The following COX10 variants were observed in gnomAD, a reference collection of about 807,000 sequenced individuals.
COX10 encodes the protein protoheme IX farnesyltransferase, mitochondrial.
In COX10, 27 loss-of-function variants were observed where a neutral mutation model predicts 37.3. The ratio of observed to expected loss-of-function variants is 0.72; its 90% confidence interval spans 0.53 to 1.00. The LOEUF (loss-of-function observed/expected upper bound fraction) is 1.00, where lower values mean the gene tolerates loss of function less well. COX10 is among the 50% of genes least tolerant of loss of function. COX10 has a pLI of 0.00. For missense variants in COX10, 475 were observed against 563.2 expected, an observed-to-expected ratio of 0.84 and a Z score of 1.59; for synonymous variants, 222 against 229.1, an observed-to-expected ratio of 0.97 and a Z score of 0.28.
intron 4 of COX10, among the ~76,000 whole-genome samples, chr17:14,133,539 T>C (rs1916511519): frequency 6.6e-6 from 1 of 151,704 alleles, no homozygotes; most frequent in Non-Finnish European, 1.5e-5. Flanking sequence ...ACATGATTTG[T>C]AATTATACTC....
chr17:14,189,079 CTT>C (rs150588459), intron 5 of COX10, among the ~76,000 whole-genome samples: 1,596 of 114,080 alleles, frequency 0.014, 12 homozygotes, highest in Middle Eastern at 0.055. Context: ...TCATTTTCTT[CTT>C]TTTTTTTTTT....
chr17:14,198,488 A>G (rs1021177591), intron 6 of COX10, among the ~76,000 whole-genome samples: 5 of 152,176 alleles, frequency 3.3e-5, no homozygotes, highest in African/African-American at 1.2e-4. Context: ...CGTAATGACC[A>G]TCTTGTAGAG....
At chr17:14,154,648 A>G (rs1904993001) in intron 4 of COX10, among the ~76,000 whole-genome samples, 1 of 152,236 alleles carries the variant, frequency 6.6e-6, no homozygotes, top group Non-Finnish European at 1.5e-5. Context: ...AAGGAACATC[A>G]GTCTAATCAA....
intron 4 of COX10, among the ~76,000 whole-genome samples, chr17:14,154,736 C>T (rs892352965): frequency 5.3e-5 from 8 of 152,186 alleles, no homozygotes; most frequent in African/African-American, 1.9e-4. Context: ...CTTTTCAGAT[C>T]CTCATAGTAA....
intron 5 of COX10, among the ~76,000 whole-genome samples, chr17:14,175,371 T>C (rs1223786024): frequency 6.6e-6 from 1 of 152,026 alleles, no homozygotes; most frequent in Non-Finnish European, 1.5e-5. Flanking sequence ...AATCAAAGCC[T>C]AGCTCCTCTG....
At chr17:14,093,648 T>G (rs1567589497) in intron 3 of COX10, among the ~76,000 whole-genome samples, 3 of 152,186 alleles carry the variant, frequency 2.0e-5, no homozygotes, top group Non-Finnish European at 4.4e-5. Flanking sequence ...AGTAACAGCA[T>G]GCATGGCAGG....
intron 1 of COX10, among the ~76,000 whole-genome samples, chr17:14,071,886 T>G (rs951065658): frequency 1.3e-5 from 2 of 151,762 alleles, no homozygotes; most frequent in African/African-American, 4.8e-5. Context: ...GGTGACAGAG[T>G]GAGACTCCAT....
intron 4 of COX10, among the ~76,000 whole-genome samples, chr17:14,123,420 A>G (rs1406482397): frequency 6.6e-6 from 1 of 152,196 alleles, no homozygotes; most frequent in Non-Finnish European, 1.5e-5. Flanking sequence ...TTTGAATAGA[A>G]TGGACTCACA....
intron 3 of COX10, among the ~76,000 whole-genome samples, chr17:14,090,615 C>T (rs1052650522): frequency 1.3e-5 from 2 of 152,110 alleles, no homozygotes; most frequent in Non-Finnish European, 2.9e-5. Context: ...AGCATTCTCT[C>T]AGCCTGTGGA....
intron 5 of COX10, among the ~76,000 whole-genome samples, chr17:14,182,555 C>G (rs1040396501): frequency 6.6e-6 from 1 of 152,088 alleles, no homozygotes; most frequent in Non-Finnish European, 1.5e-5. Flanking sequence ...AAATAAGATT[C>G]TGGGGAGACA....
Position 14,099,558 on chromosome 17 carries a change from C to G in COX10, c.500-2560C>G, listed in dbSNP as rs116752379. 7.8e-3 allele frequency among the ~76,000 whole-genome samples: 1,183 copies of G among 152,146 alleles called. 14 individuals carry two copies. Among genetic ancestry groups the G allele is most frequent in the African/African-American group, 0.027 (1,136 of 41,514 alleles). On this transcript the variant is annotated intron_variant, in intron 3 of 6. Transcript: ENST00000261643. ...TTCCTGTTCTGCTTGCTGTAGCCCC[C>G]CTCATGGTTACTGGACACCCATGCC... is the stretch of plus-strand genomic sequence containing the variant.
At chr17:14,078,875 C>G (rs1915216917) in intron 3 of COX10, among the ~76,000 whole-genome samples, 1 of 152,082 alleles carries the variant, frequency 6.6e-6, no homozygotes, top group African/African-American at 2.4e-5. Flanking sequence ...TTCCCTGTCC[C>G]TCCACCCTAC....
At chr17:14,155,057 A>T (rs1297196594) in intron 4 of COX10, among the ~76,000 whole-genome samples, 1 of 152,188 alleles carries the variant, frequency 6.6e-6, no homozygotes, top group Non-Finnish European at 1.5e-5. Flanking sequence ...TAATTTGATG[A>T]TGTTTCTATA....
intron 3 of COX10, among the ~76,000 whole-genome samples, chr17:14,097,215 G>A (rs1480477697): frequency 6.6e-6 from 1 of 151,974 alleles, no homozygotes; most frequent in Non-Finnish European, 1.5e-5. Context: ...TGAGAAAATC[G>A]CTTTGGTCAA....
Position 14,207,228 on chromosome 17 carries a change from C to T in COX10, c.*15C>T. 6.4e-7 allele frequency: 1 copy of T among 1,567,728 alleles called. No homozygotes were observed. The highest frequency in any genetic ancestry group is 1.2e-5 in the South Asian group (1 of 86,820). ...CTCCCAGCTGAGAGCACTGGGACGC[C>T]CACCGCCCCTTTCCCTCCGCTGCCA... On this transcript the variant is annotated 3_prime_UTR_variant, in exon 7 of 7. Coordinates refer to ENST00000261643, the MANE Select transcript of COX10 (RefSeq NM_001303.4).
At position 14,206,957 on chromosome 17, in the gene COX10, G is replaced by A. The variant is rs575001438; in HGVS notation, c.1076G>A (p.Arg359His). 6.2e-6 allele frequency: 10 copies of A among 1,613,946 alleles called. No homozygotes were observed. Among genetic ancestry groups the A allele is most frequent in the Middle Eastern group, 3.3e-4 (2 of 6,062 alleles). The change falls in exon 7 of 7, where the codon CGC becomes CAC. Residue 359 changes from arginine to histidine, a missense_variant. Arg to His is a conservative substitution (Grantham distance 29). Coordinates refer to ENST00000261643, the MANE Select transcript of COX10 (RefSeq NM_001303.4). The stretch of plus-strand genomic sequence containing the variant: ...GGCCTGTGCCGGCGCGTGGCGCTGC[G>A]CCACTGCCTGGCCCTGCTCGTGCTG... ...HPGLCRRVAL[R>H]HCLALLVLSA...
At chr17:14,164,876 G>A (rs1391500317) in intron 5 of COX10, among the ~76,000 whole-genome samples, 1 of 152,208 alleles carries the variant, frequency 6.6e-6, no homozygotes, top group African/African-American at 2.4e-5. Flanking sequence ...TGATTAGGAT[G>A]AAAGAGATCA....
chr17:14,110,546 C>CT (rs1159908589), intron 4 of COX10, among the ~76,000 whole-genome samples: 1 of 152,044 alleles, frequency 6.6e-6, no homozygotes, highest in Non-Finnish European at 1.5e-5. Context: ...GGCTTGGAGA[C>CT]TTGCTTCCTT....
At position 14,090,677 on chromosome 17, in the gene COX10, C is replaced by T. The variant is rs143730415; in HGVS notation, c.500-11441C>T. 6.5e-4 allele frequency among the ~76,000 whole-genome samples: 99 copies of T among 152,276 alleles called. 2 individuals are homozygous for T. The highest frequency in any genetic ancestry group is 2.3e-3 in the African/African-American group (96 of 41,554). ...CAAACATGTATACCTCACCATCTTACGTGTTTGCCAGGTTAACTCCTTTTT... is the reference window on the plus strand; with the variant it reads ...CAAACATGTATACCTCACCATCTTATGTGTTTGCCAGGTTAACTCCTTTTT... On this transcript the variant is annotated intron_variant, in intron 3 of 6. Coordinates refer to ENST00000261643, the MANE Select transcript of COX10 (RefSeq NM_001303.4).
Sources: allele counts gnomAD v4.1 joint callset (sites outside exome capture counted in the v4.1 genomes callset), GRCh38; gene constraint gnomAD v4.1.1; transcripts MANE v1.5; gene names NCBI Gene and HGNC (gene_info 2026-07-23, HGNC 2026-07-21).